The following VAPA variants were observed in gnomAD, a reference collection of about 807,000 sequenced individuals.
VAPA encodes the protein vesicle-associated membrane protein-associated protein A.
In VAPA, 6 loss-of-function variants were observed where a neutral mutation model predicts 25.6. That is an observed-to-expected ratio of 0.23 (90% confidence interval 0.13 to 0.46). VAPA has a LOEUF of 0.46. Among genes scored for constraint, VAPA ranks in the 20% least tolerant of loss-of-function variants. The probability of loss-of-function intolerance (pLI) is 0.99; values close to 1 mark genes in which losing one functional copy is unlikely to be tolerated. For missense variants in VAPA, 244 were observed against 302.1 expected, an observed-to-expected ratio of 0.81 and a Z score of 1.43; for synonymous variants, 112 against 106.2, an observed-to-expected ratio of 1.05 and a Z score of -0.34.
At chr18:9,943,644 T>C (rs1348417584) in intron 4 of VAPA, among the ~76,000 whole-genome samples, 1 of 152,166 alleles carries the variant, frequency 6.6e-6, no homozygotes, top group Non-Finnish European at 1.5e-5. Context: ...ATATACGTAA[T>C]GTCCAATTAG....
At chr18:9,917,549 G>T (rs553058774) in intron 1 of VAPA, among the ~76,000 whole-genome samples, 2 of 152,318 alleles carry the variant, frequency 1.3e-5, no homozygotes, top group East Asian at 3.9e-4. Flanking sequence ...CCAAAGTGCT[G>T]GGATTACAGG....
At chr18:9,927,464 T>TA (rs2069210355) in intron 1 of VAPA, among the ~76,000 whole-genome samples, 1 of 150,302 alleles carries the variant, frequency 6.7e-6, no homozygotes, top group African/African-American at 2.5e-5. Flanking sequence ...TAAGAACTGT[T>TA]ACAGTGGTTC....
intron 4 of VAPA, among the ~76,000 whole-genome samples, chr18:9,939,367 T>A (rs1191346527): frequency 1.3e-5 from 2 of 151,972 alleles, no homozygotes; most frequent in East Asian, 3.9e-4. Flanking sequence ...TTTTGCCAGG[T>A]TGGTCTCAAA....
chr18:9,950,291 A>T, intron 4 of VAPA, 104 bp from the exon 5 acceptor site: 2 of 1,303,482 alleles, frequency 1.5e-6, no homozygotes, highest in Non-Finnish European at 2.1e-6. Flanking sequence ...AGGCCTTTTA[A>T]AGAGTTTTTC....
intron 2 of VAPA, among the ~76,000 whole-genome samples, chr18:9,934,211 T>C (rs1185662610): frequency 6.6e-6 from 1 of 152,252 alleles, no homozygotes; most frequent in Non-Finnish European, 1.5e-5. Context: ...CATTTCTCTT[T>C]TTCCCTGTGT....
intron 1 of VAPA, 194 bp downstream of exon 1, chr18:9,914,529 A>G (rs2069093976): frequency 3.1e-6 from 1 of 318,790 alleles, no homozygotes; most frequent in Non-Finnish European, 5.6e-6. Flanking sequence ...GGCCCGCTTC[A>G]TCCCCTCCCG....
chr18:9,933,597 G>A (rs1303056127), intron 2 of VAPA, among the ~76,000 whole-genome samples: 1 of 152,192 alleles, frequency 6.6e-6, no homozygotes, highest in African/African-American at 2.4e-5. Flanking sequence ...GAGAGCAGTG[G>A]TGTGATCTCA....
intron 4 of VAPA, among the ~76,000 whole-genome samples, chr18:9,945,598 A>G (rs1222125773): frequency 6.6e-6 from 1 of 152,030 alleles, no homozygotes; most frequent in Non-Finnish European, 1.5e-5. Flanking sequence ...CTCCGACCTC[A>G]GGTGATCCAC....
chr18:9,917,902 A>C (rs758297047), intron 1 of VAPA, among the ~76,000 whole-genome samples: 1 of 152,162 alleles, frequency 6.6e-6, no homozygotes, highest in Non-Finnish European at 1.5e-5. Context: ...GGCTATACAA[A>C]ACGCCTGGGG....
intron 5 of VAPA, chr18:9,950,830 C>G: frequency 2.5e-6 from 1 of 393,860 alleles, no homozygotes; most frequent in Non-Finnish European, 4.7e-6. Flanking sequence ...TCTTGTTTCT[C>G]ATGTCCTTCC....
rs1416586946 is a variant in VAPA, at chr18:9,957,679, A to G, written c.*3468A>G. ...AGGGAAATTAAACCATTCATGAATA[A>G]ACTTTAAAAATGTGAAGTGTCCTTT... On this transcript the variant is annotated 3_prime_UTR_variant, in exon 6 of 6. Coordinates refer to ENST00000400000, the MANE Select transcript of VAPA (RefSeq NM_194434.3). 6.6e-6 allele frequency: 1 copy of G among 152,154 alleles called. No individual in the cohort carries two copies. The highest frequency in any genetic ancestry group is 1.5e-5 in the Non-Finnish European group (1 of 68,010). 9.4% of individuals were successfully genotyped at this position (152,154 alleles called of 1,614,324 possible).
chr18:9,958,796 T>C lies in VAPA; in HGVS notation c.*4585T>C, dbSNP rs931887068. 1.1e-4 allele frequency: 16 copies of C among 152,240 alleles called. No homozygotes were observed. The highest frequency in any genetic ancestry group is 2.4e-4 in the African/African-American group (10 of 41,462). The allele number at this position is 152,240 out of a possible 1,614,324, so 9.4% of individuals were successfully genotyped here. On this transcript the variant is annotated 3_prime_UTR_variant, in exon 6 of 6. Coordinates refer to ENST00000400000, the MANE Select transcript of VAPA (RefSeq NM_194434.3). ...TGCATAAAAGCTTTGCTTGTCAAGT[T>C]AGGATTGCTGGAATACCACTAAAGA...
chr18:9,944,780 G>T, intron 4 of VAPA: 2 of 1,017,112 alleles, frequency 2.0e-6, no homozygotes, highest in Non-Finnish European at 1.4e-6. Context: ...GCTATTATTA[G>T]TATTGTTTCT....
In VAPA at chr18:9,954,290, G is replaced by A. The variant is rs2069521150; in HGVS notation, c.*79G>A. The stretch of plus-strand genomic sequence containing the variant: ...AGATTTGTTTACCTACCATTTCATT[G>A]GTAGTATGGCCCACGGTGACCATTT... On this transcript the variant is annotated 3_prime_UTR_variant, in exon 6 of 6. Coordinates refer to ENST00000400000, the MANE Select transcript of VAPA (RefSeq NM_194434.3). 2 of 1,351,106 alleles carry A rather than the reference G, an allele frequency of 1.5e-6. No homozygotes were observed. Among genetic ancestry groups the A allele is most frequent in the Admixed American group, 2.2e-5 (1 of 45,700 alleles). The allele number at this position is 1,351,106 out of a possible 1,614,324, so 83.7% of individuals were successfully genotyped here. A position where few individuals can be genotyped will look rare whatever the true frequency, so the allele number is the denominator to read the frequency against.
intron 1 of VAPA, among the ~76,000 whole-genome samples, chr18:9,917,386 G>A (rs879426630): frequency 6.6e-6 from 1 of 152,130 alleles, no homozygotes; most frequent in Non-Finnish European, 1.5e-5. Flanking sequence ...TGCCTCCCGG[G>A]TTCAAGCAAT....
rs186342652 is a variant in VAPA, at chr18:9,956,845, T to A, written c.*2634T>A. 1 of 152,290 alleles carries A rather than the reference T, an allele frequency of 6.6e-6. No individual in the cohort carries two copies. The highest frequency in any genetic ancestry group is 2.4e-5 in the African/African-American group (1 of 41,558). 9.4% of individuals were successfully genotyped at this position (152,290 alleles called of 1,614,324 possible). A position where few individuals can be genotyped will look rare whatever the true frequency, so the allele number is the denominator to read the frequency against. ...ACAATCAAGTAACTAAGGCCTTGAGTTCATATGTGACACTGAATGCACTAG... is the reference window on the plus strand; with the variant it reads ...ACAATCAAGTAACTAAGGCCTTGAGATCATATGTGACACTGAATGCACTAG... On this transcript the variant is annotated 3_prime_UTR_variant, in exon 6 of 6. Coordinates refer to ENST00000400000, the MANE Select transcript of VAPA (RefSeq NM_194434.3).
At chr18:9,938,653 C>G (rs1567897855) in intron 4 of VAPA, among the ~76,000 whole-genome samples, 2 of 152,300 alleles carry the variant, frequency 1.3e-5, no homozygotes, top group South Asian at 2.1e-4. Flanking sequence ...TAAGTAACTT[C>G]AAAGTACTTT....
intron 1 of VAPA, among the ~76,000 whole-genome samples, chr18:9,919,062 C>T (rs377197300): frequency 2.0e-5 from 3 of 152,130 alleles, no homozygotes; most frequent in African/African-American, 7.2e-5. Flanking sequence ...TAATTTTTTA[C>T]GTACATATGG....
chr18:9,934,647 A>G (rs927919740), intron 2 of VAPA, among the ~76,000 whole-genome samples: 1 of 152,214 alleles, frequency 6.6e-6, no homozygotes, highest in Non-Finnish European at 1.5e-5. Flanking sequence ...ATATCTTAGA[A>G]ATAATCTAAA....
Sources: gnomAD v4.1 joint callset for allele counts (sites outside exome capture counted in the v4.1 genomes callset) on GRCh38, gnomAD v4.1.1 for gene constraint, MANE v1.5 for transcripts, NCBI Gene and HGNC (gene_info 2026-07-23, HGNC 2026-07-21) for gene names.